FRMD4A: variants seen among roughly 807,000 people sequenced by gnomAD.
FRMD4A encodes the protein FERM domain containing 4A.
In FRMD4A, 29 loss-of-function variants were observed where a neutral mutation model predicts 129.1. The ratio of observed to expected loss-of-function variants is 0.22; its 90% CI spans 0.17 to 0.31. FRMD4A has a LOEUF of 0.31. FRMD4A is among the 10% of genes least tolerant of loss of function. The pLI is 1.00. For synonymous variants in FRMD4A, 634 were observed against 571.6 expected (o/e 1.11, Z -1.56); for missense variants, 1,272 against 1,375.8 (o/e 0.92, Z 1.19).
intron 2 of FRMD4A, among the ~76,000 whole-genome samples, chr10:14,006,810 T>A (rs35890912): frequency 0.018 from 2,809 of 152,308 alleles, 34 homozygotes; most frequent in Non-Finnish European, 0.027. Flanking sequence ...GCCTAAGATC[T>A]AAGCTATTGG....
chr10:14,060,376 A>C (rs1834750615), intron 2 of FRMD4A, among the ~76,000 whole-genome samples: 1 of 152,166 alleles, frequency 6.6e-6, no homozygotes, highest in South Asian at 2.1e-4. Context: ...CAACTCTATG[A>C]AATAGGTACT....
At chr10:14,286,930 A>C (rs1490838761) in intron 2 of FRMD4A, among the ~76,000 whole-genome samples, 1 of 152,158 alleles carries the variant, frequency 6.6e-6, no homozygotes, top group Admixed American at 6.5e-5. Flanking sequence ...AAAAGAAGTG[A>C]AATGGCAATG....
intron 2 of FRMD4A, among the ~76,000 whole-genome samples, chr10:14,104,763 G>T (rs1478297718): frequency 6.6e-6 from 1 of 152,232 alleles, no homozygotes; most frequent in Admixed American, 6.5e-5. Flanking sequence ...TGGCGATTTC[G>T]TGTGGTTCAA....
At position 13,873,261 on chromosome 10, in the gene FRMD4A, G is replaced by A. The variant is rs1401937261; in HGVS notation, c.46-14349C>T. 1.3e-4 allele frequency among the ~76,000 whole-genome samples: 11 copies of A among 81,528 alleles called. No homozygotes were observed. In the Admixed American group the frequency reaches 2.1e-3, roughly 15 times the overall value. 53.5% of individuals were successfully genotyped at this position (81,528 alleles called of 152,430 possible). A position where few individuals can be genotyped will look rare whatever the true frequency, so the allele number is the denominator to read the frequency against. On this transcript the variant is annotated intron_variant, in intron 2 of 24. Coordinates refer to ENST00000357447, the MANE Select transcript of FRMD4A (RefSeq NM_018027.5). ...CAGTTTTTAAAAGCCTAGAAAAAAA[G>A]ATAAGGCTGAAAAAAAAAAAAGATA...
intron 2 of FRMD4A, among the ~76,000 whole-genome samples, chr10:13,933,408 T>C (rs1857262): frequency 0.33 from 49,842 of 152,080 alleles, 8,560 homozygotes; most frequent in Non-Finnish European, 0.39. Flanking sequence ...GCTTGGGCCG[T>C]TCCCACACTG....
intron 2 of FRMD4A, among the ~76,000 whole-genome samples, chr10:14,145,075 A>G (rs1840010143): frequency 6.6e-6 from 1 of 152,198 alleles, no homozygotes; most frequent in African/African-American, 2.4e-5. Flanking sequence ...TGACTTGGAG[A>G]ATGGCATTAC....
intron 2 of FRMD4A, among the ~76,000 whole-genome samples, chr10:13,863,664 A>AT (rs2094323823): frequency 6.6e-6 from 1 of 152,024 alleles, no homozygotes; most frequent in Non-Finnish European, 1.5e-5. Context: ...GAGGCAAAAA[A>AT]ATATATATAT....
chr10:14,299,026 C>T (rs1053844805), intron 2 of FRMD4A, among the ~76,000 whole-genome samples: 20 of 152,180 alleles, frequency 1.3e-4, no homozygotes, highest in African/African-American at 1.9e-4. Flanking sequence ...TTCCCTGGGA[C>T]GGAGCCATTT....
At chr10:14,104,019 T>C (rs1223328538) in intron 2 of FRMD4A, among the ~76,000 whole-genome samples, 1 of 152,204 alleles carries the variant, frequency 6.6e-6, no homozygotes, top group Non-Finnish European at 1.5e-5. Context: ...TTGCTGTAAA[T>C]TGGAGCAAAT....
intron 2 of FRMD4A, among the ~76,000 whole-genome samples, chr10:14,298,535 G>T (rs1224451337): frequency 6.6e-6 from 1 of 152,188 alleles, no homozygotes; most frequent in African/African-American, 2.4e-5. Context: ...GCCTGCTTCT[G>T]TGTGTTTTCT....
intron 2 of FRMD4A, among the ~76,000 whole-genome samples, chr10:14,186,485 G>C (rs148679975): frequency 9.7e-4 from 147 of 152,300 alleles, no homozygotes; most frequent in African/African-American, 3.2e-3. Flanking sequence ...AGACAGATCT[G>C]AGCTGGACTC....
chr10:13,832,494 G>C (rs1172015257), intron 3 of FRMD4A, among the ~76,000 whole-genome samples: 1 of 152,212 alleles, frequency 6.6e-6, no homozygotes. Flanking sequence ...GATGCCTGGG[G>C]CACCCTCGGG....
chr10:13,994,817 G>C (rs1309457291), intron 2 of FRMD4A, among the ~76,000 whole-genome samples: 1 of 152,226 alleles, frequency 6.6e-6, no homozygotes, highest in Non-Finnish European at 1.5e-5. Flanking sequence ...CAGCTGAGTA[G>C]TAGCTGGCCT....
chr10:14,330,238 G>A (rs1410169060), intron 1 of FRMD4A, 55 bp from the exon 2 acceptor site: 2 of 804,020 alleles, frequency 2.5e-6, no homozygotes, highest in Admixed American at 2.0e-5. Flanking sequence ...TCAAGGGGAA[G>A]ATAGGCCACC....
intron 2 of FRMD4A, among the ~76,000 whole-genome samples, chr10:13,863,517 G>GAGGT (rs956667235): frequency 7.2e-5 from 11 of 152,208 alleles, no homozygotes; most frequent in African/African-American, 2.2e-4. Context: ...TTGAACCCAG[G>GAGGT]AGGTGGTGGT....
At chr10:13,707,411 A>G (rs2087571836) in intron 12 of FRMD4A, 2 of 1,086,104 alleles carry the variant, frequency 1.8e-6, no homozygotes, top group Non-Finnish European at 2.2e-6. Flanking sequence ...TGGTCGTGGC[A>G]GTCCCCAGCT....
At chr10:14,267,442 C>T (rs2132041495) in intron 2 of FRMD4A, among the ~76,000 whole-genome samples, 1 of 152,264 alleles carries the variant, frequency 6.6e-6, no homozygotes, top group Admixed American at 6.5e-5. Context: ...CCTGTCATGT[C>T]AAGGAGAAAG....
intron 2 of FRMD4A, among the ~76,000 whole-genome samples, chr10:13,964,875 G>A (rs373359669): frequency 1.3e-5 from 2 of 151,992 alleles, no homozygotes; most frequent in Admixed American, 6.5e-5. Context: ...TAGTAGAGAT[G>A]GGGTTTCACC....
chr10:13,827,720 C>A (rs1363335680), intron 3 of FRMD4A, among the ~76,000 whole-genome samples: 2 of 152,174 alleles, frequency 1.3e-5, no homozygotes, highest in African/African-American at 2.4e-5. Context: ...TTCGGAGGTT[C>A]CGGCAGTCTG....
Sources: allele counts gnomAD v4.1 joint callset (sites outside exome capture counted in the v4.1 genomes callset), GRCh38; gene constraint gnomAD v4.1.1; transcripts MANE v1.5; gene names NCBI Gene and HGNC (gene_info 2026-07-23, HGNC 2026-07-21).